CRTC1: variants seen among roughly 807,000 people sequenced by gnomAD.
The protein encoded by CRTC1 is CREB regulated transcription coactivator 1.
In CRTC1, 18 loss-of-function variants were observed where a neutral mutation model predicts 66.1. The ratio of observed to expected loss-of-function variants is 0.27; its 90% confidence interval spans 0.19 to 0.40. The LOEUF (loss-of-function observed/expected upper bound fraction) is 0.40. Ranked by LOEUF, CRTC1 falls within the 10% of genes least tolerant of loss-of-function variation. The pLI, the probability that CRTC1 is intolerant of heterozygous loss-of-function variation, is 1.00. For missense variants in CRTC1, 669 were observed against 887.9 expected (o/e 0.75, Z 3.13); for synonymous variants, 416 against 398.8 (o/e 1.04, Z -0.51).
intron 9 of CRTC1, among the ~76,000 whole-genome samples, chr19:18,766,607 G>A (rs1340045243): frequency 1.3e-5 from 2 of 150,212 alleles, no homozygotes; most frequent in African/African-American, 2.5e-5. Context: ...CACCACGCCT[G>A]GCTAATTAAA....
rs917204571 is a variant in CRTC1, at chr19:18,762,252, A to G, written c.886+2024A>G. 1.2e-4 allele frequency among the ~76,000 whole-genome samples: 19 copies of G among 152,336 alleles called. 1 individual carries two copies. The highest frequency in any genetic ancestry group is 4.6e-4 in the African/African-American group (19 of 41,586). On this transcript the variant is annotated intron_variant, in intron 8 of 13. Coordinates refer to ENST00000321949, the MANE Select transcript of CRTC1 (RefSeq NM_015321.3). The stretch of plus-strand genomic sequence containing the variant: ...CGCACCTCCAGCAGGCACCCAGTCT[A>G]AACAAGCACAAGGAAACACACAACA...
chr19:18,775,879 G>A, intron 13 of CRTC1, 58 bp downstream of exon 13: 6 of 1,476,032 alleles, frequency 4.1e-6, no homozygotes, highest in Non-Finnish European at 3.6e-6. Context: ...CCCGTGCGGA[G>A]ACAGCCAGAG....
chr19:18,780,886 C>T lies in CRTC1; in HGVS notation c.*3504C>T, dbSNP rs1021901656. On this transcript the variant is annotated 3_prime_UTR_variant, in exon 14 of 14. Transcript: ENST00000321949. Reference sequence around the variant, plus strand: ...TCCCTAGAGGGGGCTCTGGTGCCTCCCTTAGGTGGGCCTTGAGCTGGTTTT... The same window carrying T: ...TCCCTAGAGGGGGCTCTGGTGCCTCTCTTAGGTGGGCCTTGAGCTGGTTTT... 3 of 222,212 alleles carry T rather than the reference C, an allele frequency of 1.4e-5. No homozygotes were observed. The highest frequency in any genetic ancestry group is 6.7e-5 in the African/African-American group (3 of 44,680). 13.8% of individuals were successfully genotyped at this position (222,212 alleles called of 1,614,324 possible).
In CRTC1 at chr19:18,768,900, A is replaced by T. The variant is rs546458900; in HGVS notation, c.1320+107A>T. On this transcript the variant is annotated intron_variant, in intron 10 of 13. Transcript: ENST00000321949. This position sits in a 1 kb window ranked among gnomAD's most constrained non-coding sequence, Gnocchi z 5.6. ...CCTGCTGCATGGGCCAGGGGTCAGA[A>T]CCCCAGCGAACGCTGCCTGGGCCCA... is the stretch of plus-strand genomic sequence containing the variant. 1.8e-4 allele frequency: 249 copies of T among 1,378,940 alleles called. No homozygotes were observed. Among genetic ancestry groups the T allele is most frequent in the Non-Finnish European group, 2.3e-4 (236 of 1,039,292 alleles). The allele number at this position is 1,378,940 out of a possible 1,614,324, so 85.4% of individuals were successfully genotyped here.
At chr19:18,752,476 A>T (rs192338020) in intron 5 of CRTC1, among the ~76,000 whole-genome samples, 34 of 151,814 alleles carry the variant, frequency 2.2e-4, no homozygotes, top group Admixed American at 6.6e-4. Context: ...GCACCACCAC[A>T]CCCGGCCAAC....
chr19:18,695,130 T>A (rs371839675), intron 1 of CRTC1, among the ~76,000 whole-genome samples: 42 of 152,006 alleles, frequency 2.8e-4, no homozygotes, highest in Non-Finnish European at 3.5e-4. Context: ...CTCGGCCTCC[T>A]AAAGTGCTGG....
rs57313611 is a variant in CRTC1, at chr19:18,695,723, G to A, written c.126+11895G>A. On this transcript the variant is annotated intron_variant, in intron 1 of 13. Coordinates refer to ENST00000321949, the MANE Select transcript of CRTC1 (RefSeq NM_015321.3). ...TACTAAAAATACGGAAAATTGGCTGGGCGTGGTGGTGGGCGCCTGTGGTCC... is the reference window on the plus strand; with the variant it reads ...TACTAAAAATACGGAAAATTGGCTGAGCGTGGTGGTGGGCGCCTGTGGTCC... 8.1e-3 allele frequency among the ~76,000 whole-genome samples: 1,230 copies of A among 152,244 alleles called. 20 individuals are homozygous for A. Among genetic ancestry groups the A allele is most frequent in the African/African-American group, 0.029 (1,193 of 41,538 alleles).
intron 1 of CRTC1, among the ~76,000 whole-genome samples, chr19:18,730,826 G>C (rs1030981430): frequency 1.3e-5 from 2 of 152,274 alleles, no homozygotes; most frequent in African/African-American, 4.8e-5. Flanking sequence ...GCCACCAGTG[G>C]CCCCCCTGGC....
intron 8 of CRTC1, among the ~76,000 whole-genome samples, chr19:18,761,186 G>A (rs962109726): frequency 2.0e-5 from 3 of 152,166 alleles, no homozygotes; most frequent in Non-Finnish European, 4.4e-5. Flanking sequence ...TGGCAAGGCC[G>A]TCCCGGCCCT....
At chr19:18,756,334 C>CAAAAAAAAA (rs56092227) in intron 6 of CRTC1, among the ~76,000 whole-genome samples, 1 of 73,212 alleles carries the variant, frequency 1.4e-5, no homozygotes. Flanking sequence ...AACTCCATCT[C>CAAAAAAAAA]AAAAAAAAAA....
intron 1 of CRTC1, among the ~76,000 whole-genome samples, chr19:18,732,660 A>G (rs961638051): frequency 4.6e-5 from 7 of 152,148 alleles, no homozygotes; most frequent in African/African-American, 1.7e-4. Flanking sequence ...GGTTCCAGAC[A>G]AGGGCTTCGT....
At chr19:18,702,377 A>C (rs1423309729) in intron 1 of CRTC1, among the ~76,000 whole-genome samples, 2 of 151,850 alleles carry the variant, frequency 1.3e-5, no homozygotes, top group Non-Finnish European at 2.9e-5. Flanking sequence ...GTACCACCAC[A>C]GCTGGCTAAT....
In CRTC1 at chr19:18,741,668, G is replaced by A. The variant is rs1232208627; in HGVS notation, c.127-1242G>A. 6.6e-6 allele frequency among the ~76,000 whole-genome samples: 1 copy of A among 152,166 alleles called. No homozygotes were observed. Among genetic ancestry groups the A allele is most frequent in the East Asian group, 1.9e-4 (1 of 5,186 alleles). ...GACACTGTGGATGTTCATTGTGTAT[G>A]TGTCTGGCCAGCGGCCACCAAGGGC... On this transcript the variant is annotated intron_variant, in intron 1 of 13. Coordinates refer to ENST00000321949, the MANE Select transcript of CRTC1 (RefSeq NM_015321.3). The surrounding 1 kb of genome is among the most constrained non-coding windows in gnomAD (Gnocchi z 4.2).
At chr19:18,742,847 C>A in intron 1 of CRTC1, 63 bp from the exon 2 acceptor site, 2 of 1,237,932 alleles carry the variant, frequency 1.6e-6, no homozygotes, top group Non-Finnish European at 2.4e-6. Context: ...GCCTTTGGGG[C>A]TGGCACTCTG....
chr19:18,774,934 C>T lies in CRTC1; in HGVS notation c.1460C>T (p.Ala487Val), dbSNP rs1014782697. Residue 487 changes from alanine to valine, a missense_variant, in exon 12 of 14, where the codon GCG (alanine) becomes GTG (valine). By Grantham distance (64) the Ala-to-Val change is moderately conservative (BLOSUM62 0). Around this residue, in one of 8 missense-constraint regions of CRTC1, gnomAD observed 79 missense variants for 100.1 expected, o/e 0.79. Transcript: ENST00000321949. ...TSTLGSVFGD[A>V]YYEQQMAARQ... ...ACCCTGGGCAGCGTGTTTGGGGACG[C>T]GTACTATGAGCAGCAGATGGCGGCC... is the stretch of plus-strand genomic sequence containing the variant. 8 of 1,610,482 alleles carry T rather than the reference C, an allele frequency of 5.0e-6. No homozygotes were observed. The highest frequency in any genetic ancestry group is 2.2e-5 in the South Asian group (2 of 91,078).
chr19:18,775,257 G>C lies in CRTC1; in HGVS notation c.1512+271G>C, dbSNP rs1432585395. Among the ~76,000 whole-genome samples, 7 of 152,368 alleles carry C rather than the reference G, an allele frequency of 4.6e-5. No individual in the cohort carries two copies. In the East Asian group the frequency reaches 1.2e-3, roughly 25 times the overall value. On this transcript the variant is annotated intron_variant, in intron 12 of 13. Coordinates refer to ENST00000321949, the MANE Select transcript of CRTC1 (RefSeq NM_015321.3). ...GGCAGAGGGTGAGGGGGGGCAGGCA[G>C]CAAACGCCGGGCCAGACAGGGATGG... is the stretch of plus-strand genomic sequence containing the variant.
chr19:18,767,488 C>T (rs550778720), intron 9 of CRTC1, among the ~76,000 whole-genome samples: 10 of 152,274 alleles, frequency 6.6e-5, no homozygotes, highest in Admixed American at 2.6e-4. Flanking sequence ...TGTGAGCCAC[C>T]GCGCCCGTCA....
chr19:18,766,478 G>T (rs936301486), intron 9 of CRTC1, among the ~76,000 whole-genome samples: 1 of 151,282 alleles, frequency 6.6e-6, no homozygotes, highest in Non-Finnish European at 1.5e-5. Flanking sequence ...ACAGAGTCTC[G>T]CTCTGTCACC....
chr19:18,778,156 C>T lies in CRTC1; in HGVS notation c.*774C>T, dbSNP rs777033513. ...CCGGAAGGCCCCGTGAGGGGTCGAA[C>T]GCGGAGGCAGGGGTTACCTCTTGGG... On this transcript the variant is annotated 3_prime_UTR_variant, in exon 14 of 14. Transcript: ENST00000321949. 2.6e-5 allele frequency: 6 copies of T among 232,776 alleles called. No homozygotes were observed. The highest frequency in any genetic ancestry group is 6.6e-5 in the African/African-American group (3 of 45,300). 14.4% of individuals were successfully genotyped at this position (232,776 alleles called of 1,614,324 possible). A position where few individuals can be genotyped will look rare whatever the true frequency, so the allele number is the denominator to read the frequency against.
Sources: gnomAD v4.1 joint callset for allele counts (sites outside exome capture counted in the v4.1 genomes callset) on GRCh38, gnomAD v4.1.1 for gene constraint, gnomAD v4.1.1 regional missense constraint, Gnocchi (gnomAD v3.1) non-coding constraint, MANE v1.5 for transcripts, NCBI Gene and HGNC (gene_info 2026-07-23, HGNC 2026-07-21) for gene names.